Variants in RAD21L1 observed in about 807,000 individuals in gnomAD.
RAD21L1 encodes the protein RAD21 cohesin complex component like 1.
Under a neutral mutation model 69.0 loss-of-function variants are expected in RAD21L1, and 47 were observed. The ratio of observed to expected loss-of-function variants is 0.68; its 90% CI spans 0.54 to 0.87. RAD21L1 has a LOEUF of 0.87. Among genes scored for constraint, RAD21L1 ranks in the 40% least tolerant of loss-of-function variants. The pLI, the probability that RAD21L1 is intolerant of heterozygous loss-of-function variation, is 0.00. For synonymous variants in RAD21L1, 177 were observed against 205.8 expected (o/e 0.86, Z 1.20); for missense variants, 583 against 647.6 (o/e 0.90, Z 1.08).
At chr20:1,239,583 A>G (rs1029785774) in intron 7 of RAD21L1, among the ~76,000 whole-genome samples, 176 bp downstream of exon 7, 3 of 152,236 alleles carry the variant, frequency 2.0e-5, no homozygotes, top group Non-Finnish European at 4.4e-5. Context: ...ATAAAGGTAC[A>G]CTGAAGGGTA....
At chr20:1,237,184 C>T (rs1188903301) in intron 5 of RAD21L1, among the ~76,000 whole-genome samples, 1 of 152,144 alleles carries the variant, frequency 6.6e-6, no homozygotes, top group African/African-American at 2.4e-5. Flanking sequence ...AGAAGACTAA[C>T]CTTGGACCTC....
chr20:1,232,841 C>A (rs745647050), intron 4 of RAD21L1, among the ~76,000 whole-genome samples: 32 of 152,076 alleles, frequency 2.1e-4, no homozygotes, highest in Non-Finnish European at 2.8e-4. Flanking sequence ...ACAACAACAA[C>A]AAAAGAGTTG....
chr20:1,244,832 G>A (rs1220351814), intron 11 of RAD21L1, among the ~76,000 whole-genome samples: 1 of 152,056 alleles, frequency 6.6e-6, no homozygotes, highest in Non-Finnish European at 1.5e-5. Flanking sequence ...ACTGTATTTT[G>A]ATAACCACTC....
At chr20:1,253,861 T>C (rs1444487487) in intron 13 of RAD21L1, among the ~76,000 whole-genome samples, 1 of 152,212 alleles carries the variant, frequency 6.6e-6, no homozygotes, top group Non-Finnish European at 1.5e-5. Context: ...CTATAGTACC[T>C]TTAAGTAGAA....
chr20:1,239,248 A>C (rs2087558975), intron 6 of RAD21L1, 64 bp from the exon 7 acceptor site: 4 of 855,010 alleles, frequency 4.7e-6, no homozygotes, highest in Non-Finnish European at 7.5e-6. Context: ...AACATTAATA[A>C]ATGTTTAGTG....
intron 2 of RAD21L1, 134 bp downstream of exon 2, chr20:1,228,731 A>G (rs1278283187): frequency 6.0e-6 from 4 of 662,490 alleles, no homozygotes; most frequent in African/African-American, 5.6e-5. Context: ...TTTAATTCCT[A>G]TAGCATTTAG....
Position 1,233,673 on chromosome 20 carries a change from G to A in RAD21L1, c.369-412G>A, listed in dbSNP as rs1387063301. ...CCGTATTCTCACATGGTAGATTGAGGCAGCTTCCTGGGGCCTCTTTTATAA... is the reference window on the plus strand; with the variant it reads ...CCGTATTCTCACATGGTAGATTGAGACAGCTTCCTGGGGCCTCTTTTATAA... On this transcript the variant is annotated intron_variant, in intron 4 of 13. Transcript: ENST00000683101. Among the ~76,000 whole-genome samples, 3 of 152,118 alleles carry A rather than the reference G, an allele frequency of 2.0e-5. No homozygotes were observed. The South Asian group carries it at 6.2e-4, about 32-fold the overall frequency.
chr20:1,231,424 TA>T, intron 3 of RAD21L1, 101 bp from the exon 4 acceptor site: 2 of 674,868 alleles, frequency 3.0e-6, no homozygotes, highest in Non-Finnish European at 5.3e-6. Flanking sequence ...GAAAACTAGT[TA>T]GAATAAGCAG....
At chr20:1,234,789 C>T (rs111933313) in intron 5 of RAD21L1, among the ~76,000 whole-genome samples, 72 of 152,124 alleles carry the variant, frequency 4.7e-4, no homozygotes, top group African/African-American at 1.6e-3. Flanking sequence ...TTGTTCTTGT[C>T]ACCCAGGTTG....
Position 1,254,624 on chromosome 20 carries a change from C to G in RAD21L1, c.*167C>G, listed in dbSNP as rs1340761667. The stretch of plus-strand genomic sequence containing the variant: ...AATAATCATAGCTAGAATTGGAAAC[C>G]TACATGCTTACAAAGAAATACTTTA... On this transcript the variant is annotated 3_prime_UTR_variant, in exon 14 of 14. Transcript: ENST00000683101. 2 of 423,928 alleles carry G rather than the reference C, an allele frequency of 4.7e-6. No individual in the cohort carries two copies. Among genetic ancestry groups the G allele is most frequent in the East Asian group, 6.9e-5 (2 of 28,834 alleles). The allele number at this position is 423,928 out of a possible 1,614,324, so 26.3% of individuals were successfully genotyped here. A position where few individuals can be genotyped will look rare whatever the true frequency, so the allele number is the denominator to read the frequency against.
intron 4 of RAD21L1, 63 bp downstream of exon 4, chr20:1,231,682 TTTAA>T (rs2087394182): frequency 2.4e-6 from 2 of 833,434 alleles, no homozygotes; most frequent in East Asian, 5.4e-5. Context: ...TATATTCAAA[TTTAA>T]TTGAGTCAAA....
chr20:1,248,789 G>T (rs571162318), intron 13 of RAD21L1, 86 bp downstream of exon 13: 3 of 758,780 alleles, frequency 4.0e-6, no homozygotes, highest in Non-Finnish European at 6.1e-6. Context: ...TAATGAAAAC[G>T]CAATAATTTT....
At chr20:1,251,174 A>G (rs2087822378) in intron 13 of RAD21L1, among the ~76,000 whole-genome samples, 1 of 152,192 alleles carries the variant, frequency 6.6e-6, no homozygotes, top group Admixed American at 6.5e-5. Flanking sequence ...CTCTAGATGT[A>G]AGTTGAAAAT....
chr20:1,252,602 A>G (rs888778159), intron 13 of RAD21L1, among the ~76,000 whole-genome samples: 1 of 148,452 alleles, frequency 6.7e-6, no homozygotes, highest in African/African-American at 2.4e-5. Flanking sequence ...CAAAGCCTCA[A>G]TGCTTGTTAT....
In RAD21L1 at chr20:1,255,703, C is replaced by G. The variant is rs1036378457; in HGVS notation, c.*1246C>G. Among the ~76,000 whole-genome samples, 2 of 152,190 alleles carry G rather than the reference C, an allele frequency of 1.3e-5. No homozygotes were observed. The highest frequency in any genetic ancestry group is 4.8e-5 in the African/African-American group (2 of 41,434). On this transcript the variant is annotated 3_prime_UTR_variant, in exon 14 of 14. Transcript: ENST00000683101. ...TTAGGATTCCAGCAGTAACATCACC[C>G]TAAAAAATTCTGTTATCCCTTTGTA...
At chr20:1,232,299 C>T (rs2087407506) in intron 4 of RAD21L1, among the ~76,000 whole-genome samples, 2 of 152,084 alleles carry the variant, frequency 1.3e-5, no homozygotes, top group South Asian at 4.1e-4. Context: ...TACAGCGGGA[C>T]TTTTATTTTA....
chr20:1,228,705 G>T (rs1424996745), intron 2 of RAD21L1, 108 bp downstream of exon 2: 9 of 792,834 alleles, frequency 1.1e-5, no homozygotes, highest in Non-Finnish European at 1.7e-5. Flanking sequence ...AGTTTTACTT[G>T]TCAAATGGTC....
At position 1,255,841 on chromosome 20, in the gene RAD21L1, C is replaced by T. The variant is rs1329713760; in HGVS notation, c.*1384C>T. On this transcript the variant is annotated 3_prime_UTR_variant, in exon 14 of 14. Coordinates refer to ENST00000683101, the MANE Select transcript of RAD21L1 (RefSeq NM_001384355.1). The stretch of plus-strand genomic sequence containing the variant: ...TCATATAGCATGTAAGCTTTCGATA[C>T]GGGCTTCTTTCACTCATAAATGTCT... 3.9e-5 allele frequency among the ~76,000 whole-genome samples: 6 copies of T among 152,144 alleles called. No homozygotes were observed. The highest frequency in any genetic ancestry group is 2.1e-4 in the South Asian group (1 of 4,826).
At position 1,246,373 on chromosome 20, in the gene RAD21L1, A is replaced by G. The variant is rs1273045505; in HGVS notation, c.1401+68A>G. 8 of 683,178 alleles carry G rather than the reference A, an allele frequency of 1.2e-5. No homozygotes were observed. Among genetic ancestry groups the G allele is most frequent in the African/African-American group, 5.7e-5 (3 of 53,004 alleles). 42.3% of individuals were successfully genotyped at this position (683,178 alleles called of 1,614,324 possible). A position where few individuals can be genotyped will look rare whatever the true frequency, so the allele number is the denominator to read the frequency against. On this transcript the variant is annotated intron_variant, in intron 12 of 13. Transcript: ENST00000683101. This position sits in a 1 kb window ranked among gnomAD's most constrained non-coding sequence, Gnocchi z 4.6. ...TTCCTAAATATTTAACACCTTATTT[A>G]TCTAAAACTTGGCTTTTATAGCTGT...
Sources: gnomAD v4.1 joint callset for allele counts (sites outside exome capture counted in the v4.1 genomes callset) on GRCh38, gnomAD v4.1.1 for gene constraint, Gnocchi (gnomAD v3.1) non-coding constraint, MANE v1.5 for transcripts, NCBI Gene and HGNC (gene_info 2026-07-23, HGNC 2026-07-21) for gene names.